The following NAV2 variants were observed in gnomAD, a reference collection of about 807,000 sequenced individuals.
The protein encoded by NAV2 is helicase, APC down-regulated 1.
A neutral mutation model predicts 223.2 loss-of-function variants in NAV2; 54 were observed. The ratio of observed to expected loss-of-function variants is 0.24; its 90% CI spans 0.19 to 0.30. NAV2 has a LOEUF of 0.30. Among genes scored for constraint, NAV2 ranks in the 10% least tolerant of loss-of-function variants. The probability of loss-of-function intolerance (pLI) is 1.00; values close to 1 mark genes in which losing one functional copy is unlikely to be tolerated. For missense variants in NAV2, 2,806 were observed against 3,147.5 expected (o/e 0.89, Z 2.60); for synonymous variants, 1,279 against 1,239.3 (o/e 1.03, Z -0.67).
chr11:19,558,362 C>G (rs1316678378), intron 1 of NAV2, among the ~76,000 whole-genome samples: 2 of 152,214 alleles, frequency 1.3e-5, no homozygotes, highest in African/African-American at 4.8e-5. Flanking sequence ...TGCATGGCAC[C>G]TCAGCTAAAG....
intron 6 of NAV2, among the ~76,000 whole-genome samples, chr11:19,932,251 A>AG (rs1383076777): frequency 1.8e-4 from 27 of 149,962 alleles, no homozygotes; most frequent in African/African-American, 4.9e-4. Flanking sequence ...AAAAAAAAAA[A>AG]AAAAAAAAAG....
intron 1 of NAV2, among the ~76,000 whole-genome samples, chr11:19,678,853 G>A (rs1272061144): frequency 6.6e-6 from 1 of 152,218 alleles, no homozygotes; most frequent in Non-Finnish European, 1.5e-5. Flanking sequence ...GGTGGGGCCT[G>A]TGGAGAATGG....
At position 19,457,873 on chromosome 11, in the gene NAV2, A is replaced by C. The variant is rs139882722; in HGVS notation, c.75+106846A>C. On this transcript the variant is annotated intron_variant, in intron 1 of 37. Coordinates refer to the NAV2 transcript ENST00000360655. ...TGCAAACTCATGTTTTGCCCCCAAG[A>C]AATAATTACAAAGAATTGAAGAGAA... 7.0e-3 allele frequency among the ~76,000 whole-genome samples: 1,063 copies of C among 152,302 alleles called. 5 individuals are homozygous for C. Among genetic ancestry groups the C allele is most frequent in the South Asian group, 0.017 (83 of 4,822 alleles).
At chr11:19,446,551 G>C (rs928712489) in intron 1 of NAV2, among the ~76,000 whole-genome samples, 33 of 152,182 alleles carry the variant, frequency 2.2e-4, no homozygotes, top group African/African-American at 7.7e-4. Context: ...GGAGTTTTCT[G>C]CCTCTTAATG....
intron 31 of NAV2, among the ~76,000 whole-genome samples, chr11:20,098,328 T>C (rs1827163880): frequency 6.6e-6 from 1 of 152,210 alleles, no homozygotes; most frequent in South Asian, 2.1e-4. Context: ...CCCATTTGTG[T>C]TTAGGGGACA....
intron 1 of NAV2, among the ~76,000 whole-genome samples, chr11:19,456,756 A>T (rs189059520): frequency 3.9e-4 from 60 of 152,334 alleles, no homozygotes; most frequent in Non-Finnish European, 7.4e-5. Flanking sequence ...CTGACCCCAG[A>T]GCTCATGCTC....
chr11:20,020,758 A>T (rs983380370), intron 11 of NAV2, among the ~76,000 whole-genome samples: 1 of 152,096 alleles, frequency 6.6e-6, no homozygotes, highest in Non-Finnish European at 1.5e-5. Context: ...TAAACCTCCA[A>T]TGTATCCTCT....
intron 10 of NAV2, among the ~76,000 whole-genome samples, chr11:19,983,205 A>G (rs965607763): frequency 6.6e-6 from 1 of 152,174 alleles, no homozygotes; most frequent in Non-Finnish European, 1.5e-5. Flanking sequence ...CAAGGTAGAT[A>G]TGAGGTACAG....
rs185812148 is a variant in NAV2 at position 19,991,431 on chromosome 11, A to T, written c.2768+7184A>T. On this transcript the variant is annotated intron_variant, in intron 11 of 37. Coordinates refer to ENST00000349880, the MANE Select transcript of NAV2 (RefSeq NM_145117.5). ...TGAGCCACTGTGCCAAGCCTCCAAG[A>T]TAAATACTCTAATTCTTAGGTCCTG... is the stretch of plus-strand genomic sequence containing the variant. Among the ~76,000 whole-genome samples the T allele has an allele frequency of 2.8e-3, 428 of 152,216 alleles. 5 individuals are homozygous for T. The highest frequency in any genetic ancestry group is 1.1e-3 in the Non-Finnish European group (73 of 68,018).
At chr11:19,455,621 T>C (rs1023497156) in intron 1 of NAV2, among the ~76,000 whole-genome samples, 1 of 152,196 alleles carries the variant, frequency 6.6e-6, no homozygotes, top group African/African-American at 2.4e-5. Flanking sequence ...TCTCTATGAA[T>C]GGGCACTATT....
chr11:19,854,362 G>C (rs1352461984), intron 3 of NAV2, among the ~76,000 whole-genome samples: 4 of 152,240 alleles, frequency 2.6e-5, no homozygotes, highest in African/African-American at 4.8e-5. Context: ...GCTCACTTCA[G>C]AGAGTAGAGA....
At chr11:20,069,308 G>C (rs942796519) in intron 22 of NAV2, among the ~76,000 whole-genome samples, 10 of 152,104 alleles carry the variant, frequency 6.6e-5, no homozygotes, top group Non-Finnish European at 2.9e-5. Flanking sequence ...CTATGGCTTG[G>C]ATGTGGAGGA....
intron 1 of NAV2, among the ~76,000 whole-genome samples, chr11:19,552,371 C>T (rs1444403635): frequency 6.6e-6 from 1 of 152,200 alleles, no homozygotes; most frequent in Non-Finnish European, 1.5e-5. Context: ...CTCTGCCTCT[C>T]TACACTTCTC....
intron 1 of NAV2, among the ~76,000 whole-genome samples, chr11:19,756,168 G>C (rs2054215494): frequency 6.6e-6 from 1 of 151,746 alleles, no homozygotes; most frequent in Admixed American, 6.6e-5. Context: ...ATGAATCTGT[G>C]GGTTGGTTAC....
intron 1 of NAV2, among the ~76,000 whole-genome samples, chr11:19,522,850 A>G (rs2043709750): frequency 1.3e-5 from 2 of 152,358 alleles, no homozygotes; most frequent in South Asian, 4.1e-4. Flanking sequence ...TCCTGATGGC[A>G]TGGCTGCCTA....
At position 19,712,946 on chromosome 11, in the gene NAV2, C is replaced by A. The variant is rs961590579; in HGVS notation, c.-750C>A. On this transcript the variant is annotated 5_prime_UTR_variant, in exon 1 of 38. Transcript: ENST00000349880. ...CGCCAGCCGCGCGTCCCGGCGCCCG[C>A]GCCCCACGGCCACAGCCTTGCCTCT... Among the ~76,000 whole-genome samples the A allele has an allele frequency of 2.0e-4, 30 of 151,956 alleles. No individual in the cohort carries two copies. The highest frequency in any genetic ancestry group is 7.0e-4 in the African/African-American group (29 of 41,530).
chr11:20,104,660 C>G (rs888175108), intron 34 of NAV2: 2 of 152,430 alleles, frequency 1.3e-5, no homozygotes, highest in East Asian at 3.9e-4. Context: ...CTAGCTGGTA[C>G]GTCTGCTTGC....
chr11:19,899,297 A>C (rs1351582642), intron 6 of NAV2, among the ~76,000 whole-genome samples: 6 of 152,152 alleles, frequency 3.9e-5, no homozygotes, highest in Non-Finnish European at 8.8e-5. Context: ...GGGGCCATTG[A>C]TTTAGAATCT....
At position 19,352,128 on chromosome 11, in the gene NAV2, C is replaced by T. The variant is rs139704735; in HGVS notation, c.75+1101C>T. Among the ~76,000 whole-genome samples, 12 of 152,160 alleles carry T rather than the reference C, an allele frequency of 7.9e-5. No homozygotes were observed. In the East Asian group the frequency reaches 1.7e-3, roughly 22 times the overall value. ...AAAATTCAATTTCTGAAACTGCTGT[C>T]GCTATAATTTGGGAAGAATGCCCAC... On this transcript the variant is annotated intron_variant, in intron 1 of 37. Coordinates refer to the NAV2 transcript ENST00000360655.
Sources: gnomAD v4.1 joint callset for allele counts (sites outside exome capture counted in the v4.1 genomes callset) on GRCh38, gnomAD v4.1.1 for gene constraint, MANE v1.5 for transcripts, NCBI Gene and HGNC (gene_info 2026-07-23, HGNC 2026-07-21) for gene names.